The following LNX1 variants were observed in gnomAD, a reference collection of about 807,000 sequenced individuals.
The protein encoded by LNX1 is ligand of numb-protein X 1.
A neutral mutation model predicts 68.4 loss-of-function variants in LNX1; 54 were observed. The ratio of observed to expected loss-of-function variants is 0.79; its 90% CI spans 0.63 to 0.99. The LOEUF (loss-of-function observed/expected upper bound fraction) is 0.99. Among genes scored for constraint, LNX1 ranks in the 50% least tolerant of loss-of-function variants. The pLI is 0.00. For missense variants in LNX1, 906 were observed against 926.4 expected, an observed-to-expected ratio of 0.98 and a Z score of 0.29; for synonymous variants, 336 against 350.0, an observed-to-expected ratio of 0.96 and a Z score of 0.45.
rs116675773 is a variant in LNX1 at position 53,497,822 on chromosome 4, C to T, written c.978+819G>A. On this transcript the variant is annotated intron_variant, in intron 5 of 10. Coordinates refer to ENST00000263925, the MANE Select transcript of LNX1 (RefSeq NM_001126328.3). ...CTGTGAAAACTGCTTTAGGTTATTT[C>T]TCCTCTTATTCCAATCAGTTTGCCA... is the stretch of plus-strand genomic sequence containing the variant. 7.1e-3 allele frequency among the ~76,000 whole-genome samples: 1,087 copies of T among 152,314 alleles called. 13 individuals are homozygous for T. The highest frequency in any genetic ancestry group is 0.025 in the African/African-American group (1,028 of 41,562).
At chr4:53,515,048 A>G (rs894643994) in intron 2 of LNX1, among the ~76,000 whole-genome samples, 18 of 152,228 alleles carry the variant, frequency 1.2e-4, no homozygotes, top group Admixed American at 1.1e-3. Context: ...CTGTGACTCA[A>G]GGATATTTCA....
At chr4:53,564,765 G>C (rs976074426) in intron 2 of LNX1, among the ~76,000 whole-genome samples, 8 of 152,218 alleles carry the variant, frequency 5.3e-5, no homozygotes, top group Admixed American at 5.2e-4. Flanking sequence ...GCCAGACAGT[G>C]GGCGCAGGTC....
At chr4:53,570,619 C>T (rs1221641463) in intron 2 of LNX1, among the ~76,000 whole-genome samples, 2 of 151,232 alleles carry the variant, frequency 1.3e-5, no homozygotes, top group African/African-American at 4.9e-5. Flanking sequence ...ACGTATGTAA[C>T]TAACCTGCGT....
chr4:53,591,316 A>T, intron 1 of LNX1, 72 bp downstream of exon 1: 1 of 899,966 alleles, frequency 1.1e-6, no homozygotes, highest in Non-Finnish European at 1.3e-6. Flanking sequence ...TTTCATTCAA[A>T]TTCCGTGTTC....
At chr4:53,467,653 G>A (rs1395524333) in intron 9 of LNX1, among the ~76,000 whole-genome samples, 1 of 152,240 alleles carries the variant, frequency 6.6e-6, no homozygotes, top group East Asian at 1.9e-4. Flanking sequence ...TAAAGGACCT[G>A]ATGGAGCTGA....
At chr4:53,466,505 C>A (rs751005523) in intron 9 of LNX1, among the ~76,000 whole-genome samples, 1 of 152,178 alleles carries the variant, frequency 6.6e-6, no homozygotes, top group African/African-American at 2.4e-5. Context: ...ACAGTGGGTG[C>A]AGCACACCGA....
At chr4:53,553,974 G>A (rs1729699953) in intron 2 of LNX1, among the ~76,000 whole-genome samples, 1 of 152,228 alleles carries the variant, frequency 6.6e-6, no homozygotes, top group Non-Finnish European at 1.5e-5. Context: ...AGGAATCCGG[G>A]AGTAGCCAAC....
chr4:53,504,065 G>A (rs1725694963), intron 4 of LNX1, among the ~76,000 whole-genome samples: 1 of 152,186 alleles, frequency 6.6e-6, no homozygotes, highest in Non-Finnish European at 1.5e-5. Context: ...AACCCAGGAG[G>A]CAGAGGTTGC....
intron 9 of LNX1, among the ~76,000 whole-genome samples, chr4:53,469,721 A>G (rs1354388092): frequency 9.3e-5 from 14 of 150,864 alleles, no homozygotes; most frequent in South Asian, 2.1e-4. Flanking sequence ...ACCTCTATGC[A>G]AATAAACTAG....
chr4:53,634,710 C>T (rs888309116), intron 1 of LNX1, among the ~76,000 whole-genome samples: 5 of 152,086 alleles, frequency 3.3e-5, no homozygotes, highest in Admixed American at 2.6e-4. Context: ...GAATGTAGTC[C>T]ATTTCTCTCT....
At chr4:53,524,412 C>T (rs1685996526) in intron 2 of LNX1, 1 of 152,158 alleles carries the variant, frequency 6.6e-6, no homozygotes, top group Non-Finnish European at 1.5e-5. Flanking sequence ...TTTTAATACT[C>T]GCCTCCAAAT....
chr4:53,460,880 C>G lies in LNX1; in HGVS notation c.*27G>C. On this transcript the variant is annotated 3_prime_UTR_variant, in exon 11 of 11. Transcript: ENST00000263925. The stretch of plus-strand genomic sequence containing the variant: ...ACTTCTTAGCCTATTTGTGATTTTT[C>G]TGTTTTCCTCTGACCCATCATTGAT... 1.3e-6 allele frequency: 2 copies of G among 1,586,744 alleles called. No homozygotes were observed. The highest frequency in any genetic ancestry group is 1.8e-5 in the Admixed American group (1 of 54,498).
At chr4:53,628,948 C>T (rs1164177940) in intron 1 of LNX1, among the ~76,000 whole-genome samples, 8 of 151,902 alleles carry the variant, frequency 5.3e-5, no homozygotes, top group East Asian at 1.9e-4. Flanking sequence ...GCATACAGAG[C>T]GAGATAATGG....
chr4:53,597,724 G>T lies in LNX1; in HGVS notation c.-214-6209C>A, dbSNP rs944856775. ...AGTGCCTTCTAGCTTTGTTTCCCTT[G>T]TTCTAACCTTGTTCTCCAATTTAGC... is the stretch of plus-strand genomic sequence containing the variant. On this transcript the variant is annotated intron_variant, in intron 2 of 3. Coordinates refer to the LNX1 transcript ENST00000504299. Among the ~76,000 whole-genome samples the T allele has an allele frequency of 2.6e-5, 4 of 152,190 alleles. No homozygotes were observed. The East Asian group carries it at 7.7e-4, about 29-fold the overall frequency.
intron 2 of LNX1, among the ~76,000 whole-genome samples, chr4:53,540,423 C>T (rs1728671506): frequency 6.6e-6 from 1 of 151,496 alleles, no homozygotes; most frequent in African/African-American, 2.4e-5. Flanking sequence ...TGAGTGTGCT[C>T]CAACTCAACC....
At chr4:53,633,116 C>A (rs1282621424) in intron 1 of LNX1, among the ~76,000 whole-genome samples, 2 of 152,214 alleles carry the variant, frequency 1.3e-5, no homozygotes, top group Non-Finnish European at 2.9e-5. Flanking sequence ...GTTATATGGA[C>A]TCTATGATCC....
At chr4:53,576,380 A>C in intron 1 of LNX1, 1 of 1,577,576 alleles carries the variant, frequency 6.3e-7, no homozygotes, top group Admixed American at 1.8e-5. Flanking sequence ...GGCAGCCTGC[A>C]GGACTGACCC....
intron 2 of LNX1, among the ~76,000 whole-genome samples, chr4:53,565,558 C>T (rs1485147492): frequency 5.3e-5 from 8 of 151,922 alleles, no homozygotes; most frequent in Non-Finnish European, 1.2e-4. Context: ...AAAAACAGAA[C>T]AGAAAAACTG....
At chr4:53,482,492 T>C (rs940114468) in intron 6 of LNX1, among the ~76,000 whole-genome samples, 12 of 152,308 alleles carry the variant, frequency 7.9e-5, no homozygotes, top group African/African-American at 2.4e-4. Context: ...AAAGAAAATG[T>C]GGTATGTATA....
Sources: gnomAD v4.1 joint callset for allele counts (sites outside exome capture counted in the v4.1 genomes callset) on GRCh38, gnomAD v4.1.1 for gene constraint, MANE v1.5 for transcripts, NCBI Gene and HGNC (gene_info 2026-07-23, HGNC 2026-07-21) for gene names.